The following CLTCL1 variants were observed in gnomAD, a reference collection of about 807,000 sequenced individuals.
CLTCL1 encodes clathrin heavy chain 2.
Under a neutral mutation model 190.0 loss-of-function variants are expected in CLTCL1, and 159 were observed. That is an observed-to-expected ratio of 0.84 (90% CI 0.74 to 0.95). The LOEUF (loss-of-function observed/expected upper bound fraction) is 0.95, where lower values mean the gene tolerates loss of function less well. CLTCL1 is among the 40% of genes least tolerant of loss of function. The pLI is 0.00. For synonymous variants in CLTCL1, 752 were observed against 769.6 expected, an observed-to-expected ratio of 0.98 and a Z score of 0.38; for missense variants, 1,878 against 2,033.4, an observed-to-expected ratio of 0.92 and a Z score of 1.47.
intron 1 of CLTCL1, among the ~76,000 whole-genome samples, chr22:19,280,402 G>T (rs758914753): frequency 2.0e-5 from 3 of 151,796 alleles, no homozygotes; most frequent in Admixed American, 6.6e-5. Context: ...GTATATCAAT[G>T]GATGAATAGA....
At chr22:19,244,618 C>T (rs2086359905) in intron 3 of CLTCL1, among the ~76,000 whole-genome samples, 1 of 152,148 alleles carries the variant, frequency 6.6e-6, no homozygotes, top group Non-Finnish European at 1.5e-5. Flanking sequence ...GATACCTAAA[C>T]GAAGCCTAAA....
At chr22:19,249,681 G>A (rs1050140217) in intron 3 of CLTCL1, among the ~76,000 whole-genome samples, 1 of 151,962 alleles carries the variant, frequency 6.6e-6, no homozygotes, top group African/African-American at 2.4e-5. Context: ...GGACAACAGA[G>A]CAAGGCTCTG....
chr22:19,291,080 C>T (rs931442001), intron 1 of CLTCL1, among the ~76,000 whole-genome samples: 5 of 152,200 alleles, frequency 3.3e-5, no homozygotes, highest in Non-Finnish European at 7.3e-5. Context: ...AAAAGGCAGG[C>T]TTTGGGGGTG....
intron 1 of CLTCL1, among the ~76,000 whole-genome samples, chr22:19,285,847 G>C (rs11912726): frequency 0.058 from 8,870 of 152,226 alleles, 327 homozygotes; most frequent in Middle Eastern, 0.16. Flanking sequence ...TAAACAACAT[G>C]TCAGATAGAT....
intron 4 of CLTCL1, among the ~76,000 whole-genome samples, chr22:19,240,775 A>C (rs923376521): frequency 6.6e-6 from 1 of 152,166 alleles, no homozygotes; most frequent in Non-Finnish European, 1.5e-5. Context: ...TGACGAGAGA[A>C]TAGAATGGGG....
chr22:19,225,463 CTT>C lies in CLTCL1; in HGVS notation c.2116_2117del (p.Lys706GlufsTer31), dbSNP rs782568931. The C allele has an allele frequency of 6.3e-6, 10 of 1,582,174 alleles. No individual in the cohort carries two copies. In the South Asian group the frequency reaches 1.2e-4, roughly 18 times the overall value. On this transcript the variant is annotated frameshift_variant, in exon 13 of 33. Transcript: ENST00000427926. LOFTEE classifies it high-confidence loss of function. ...GGCTGCATGGTTTACCTTTGTAACT[CTT>C]GAAGGATTCAAAGAGCTCCACCAGG... ...QALVELFESF[K>X]SYKGLFYFLG...
At chr22:19,224,978 G>C (rs1410278117) in intron 13 of CLTCL1, among the ~76,000 whole-genome samples, 1 of 152,166 alleles carries the variant, frequency 6.6e-6, no homozygotes, top group African/African-American at 2.4e-5. Context: ...GTCCAAGAAG[G>C]GGAAAGGAAG....
chr22:19,253,837 A>T, intron 3 of CLTCL1, 122 bp downstream of exon 3: 2 of 1,194,606 alleles, frequency 1.7e-6, no homozygotes, highest in Non-Finnish European at 2.3e-6. Flanking sequence ...AAGTGCTGGG[A>T]TTACAGGCAT....
At chr22:19,189,355 T>C (rs2084417889) in intron 27 of CLTCL1, among the ~76,000 whole-genome samples, 1 of 152,250 alleles carries the variant, frequency 6.6e-6, no homozygotes, top group African/African-American at 2.4e-5. Context: ...TTGATAGCAC[T>C]GTACTCACAG....
intron 3 of CLTCL1, 66 bp downstream of exon 3, chr22:19,253,893 A>C: frequency 6.4e-7 from 1 of 1,555,182 alleles, no homozygotes; most frequent in Non-Finnish European, 8.7e-7. Flanking sequence ...TGATTTAACC[A>C]CTCCATTCTA....
intron 19 of CLTCL1, among the ~76,000 whole-genome samples, chr22:19,210,751 G>A (rs1555946273): frequency 6.6e-6 from 1 of 152,152 alleles, no homozygotes; most frequent in African/African-American, 2.4e-5. Context: ...TCAAACCACT[G>A]GGAGGGCTGC....
chr22:19,186,445 A>G (rs1410255993), intron 29 of CLTCL1, among the ~76,000 whole-genome samples: 1 of 152,060 alleles, frequency 6.6e-6, no homozygotes, highest in African/African-American at 2.4e-5. Context: ...CGGTCTGAGA[A>G]TGATACTAAG....
At chr22:19,279,050 G>A (rs917578653) in intron 1 of CLTCL1, among the ~76,000 whole-genome samples, 4 of 151,412 alleles carry the variant, frequency 2.6e-5, no homozygotes, top group Non-Finnish European at 4.4e-5. Flanking sequence ...ATAGATTAGT[G>A]TTATTTACTC....
intron 2 of CLTCL1, among the ~76,000 whole-genome samples, chr22:19,261,936 AGCATTGCAC>A (rs1418144493): frequency 2.0e-5 from 3 of 152,240 alleles, no homozygotes; most frequent in African/African-American, 7.2e-5. Context: ...GTTAGCAAAC[AGCATTGCAC>A]GCTACAGAGC....
rs143300892 is a variant in CLTCL1 at position 19,232,469 on chromosome 22, C to G, written c.1644+7G>C. The G allele has an allele frequency of 1.9e-6, 3 of 1,613,800 alleles. No homozygotes were observed. The African/African-American group carries it at 4.0e-5, about 22-fold the overall frequency. The stretch of plus-strand genomic sequence containing the variant: ...ACAAAAAGTTGTCCAAAACTGCCTA[C>G]GCTCACCTGGCTAATGTTGGCCAGC... On this transcript the variant is annotated splice_region_variant and intron_variant, in intron 10 of 32. Transcript: ENST00000427926.
chr22:19,180,955 C>A, intron 30 of CLTCL1, 149 bp from the exon 31 acceptor site: 1 of 679,702 alleles, frequency 1.5e-6, no homozygotes, highest in East Asian at 2.6e-5. Flanking sequence ...TGGCTCAGCC[C>A]ACACCCCATG....
chr22:19,220,998 A>G (rs961300940), intron 17 of CLTCL1, among the ~76,000 whole-genome samples: 1 of 152,158 alleles, frequency 6.6e-6, no homozygotes, highest in Non-Finnish European at 1.5e-5. Context: ...TGAGGCACCC[A>G]GGGAATTGCA....
chr22:19,243,664 A>G (rs1601627292), intron 3 of CLTCL1, among the ~76,000 whole-genome samples: 1 of 151,788 alleles, frequency 6.6e-6, no homozygotes. Context: ...TATCTTTTAT[A>G]AAACTTAGAA....
rs114160310 is a variant in CLTCL1, at chr22:19,180,285, G to A, written c.4904-47C>T. On this transcript the variant is annotated intron_variant, in intron 31 of 32. Transcript: ENST00000427926. The stretch of plus-strand genomic sequence containing the variant: ...TAATGGTGGAAGGACACACTCAGCC[G>A]GACGCTGGAGACCCGCCGGCGTGCT... The A allele has an allele frequency of 8.2e-4, 1,320 of 1,608,564 alleles. 7 individuals carry two copies. The African/African-American group carries it at 0.016, about 19-fold the overall frequency.
Sources: allele counts gnomAD v4.1 joint callset (sites outside exome capture counted in the v4.1 genomes callset), GRCh38; gene constraint gnomAD v4.1.1; transcripts MANE v1.5; gene names NCBI Gene and HGNC (gene_info 2026-07-23, HGNC 2026-07-21).